The following TMTC4 variants were observed in gnomAD, a reference collection of about 807,000 sequenced individuals.
TMTC4 encodes the protein protein O-mannosyl-transferase TMTC4.
A neutral mutation model predicts 86.0 loss-of-function variants in TMTC4; 65 were observed. The ratio of observed to expected loss-of-function variants is 0.76; its 90% confidence interval spans 0.62 to 0.93. The LOEUF is 0.93. Ranked by LOEUF, TMTC4 falls within the 40% of genes least tolerant of loss-of-function variation. The pLI, the probability that TMTC4 is intolerant of heterozygous loss-of-function variation, is 0.00. For missense variants in TMTC4, 866 were observed against 948.1 expected, an observed-to-expected ratio of 0.91 and a Z score of 1.14; for synonymous variants, 379 against 382.5, an observed-to-expected ratio of 0.99 and a Z score of 0.11.
chr13:100,621,877 T>G (rs1281209872), intron 15 of TMTC4, among the ~76,000 whole-genome samples: 2 of 152,184 alleles, frequency 1.3e-5, no homozygotes, highest in African/African-American at 4.8e-5. Context: ...GCTCCCATCC[T>G]CCACCCCACC....
At chr13:100,664,412 T>C (rs1233580127) in intron 3 of TMTC4, 76 bp from the exon 4 acceptor site, 1 of 1,051,812 alleles carries the variant, frequency 9.5e-7, no homozygotes, top group African/African-American at 1.6e-5. Context: ...ATCTCTCACC[T>C]GGGATGCAGT....
intron 5 of TMTC4, among the ~76,000 whole-genome samples, 157 bp downstream of exon 5, chr13:100,662,807 T>C (rs1485746428): frequency 6.6e-6 from 1 of 152,198 alleles, no homozygotes; most frequent in Admixed American, 6.5e-5. Flanking sequence ...TTATGTAGTG[T>C]CCTTTCTATT....
chr13:100,610,512 A>G (rs1475578911), intron 17 of TMTC4, among the ~76,000 whole-genome samples: 3 of 152,106 alleles, frequency 2.0e-5, no homozygotes, highest in Non-Finnish European at 4.4e-5. Flanking sequence ...TGAAGATCTC[A>G]TCGTGAGTTC....
chr13:100,642,381 A>G (rs1383648462), intron 6 of TMTC4, 70 bp from the exon 7 acceptor site: 1 of 1,551,810 alleles, frequency 6.4e-7, no homozygotes. Context: ...ATCAGGAACT[A>G]AAATTCTAAG....
rs1453139395 is a variant in TMTC4 at position 100,637,617 on chromosome 13, C to A, written c.920G>T (p.Trp307Leu). The A allele has an allele frequency of 6.2e-7, 1 of 1,614,082 alleles. No individual in the cohort carries two copies. Among genetic ancestry groups the A allele is most frequent in the Non-Finnish European group, 8.5e-7 (1 of 1,180,054 alleles). ...SGGAGMLYVR[W>L]RIMGTGPPAF... Reference sequence around the variant, plus strand: ...CGGCGGGCCCGTGCCCATGATCCTCCAGCGCACGTAGAGCATCCCAGCCCC... The same window carrying A: ...CGGCGGGCCCGTGCCCATGATCCTCAAGCGCACGTAGAGCATCCCAGCCCC... The change falls in exon 9 of 19, where the codon TGG (tryptophan) becomes TTG (leucine). Residue 307 changes from tryptophan (W) to leucine (L), a missense_variant. Coordinates refer to ENST00000342624, the MANE Select transcript of TMTC4 (RefSeq NM_032813.5).
At chr13:100,615,343 T>C (rs192356551) in intron 15 of TMTC4, among the ~76,000 whole-genome samples, 2 of 152,226 alleles carry the variant, frequency 1.3e-5, no homozygotes, top group African/African-American at 2.4e-5. Flanking sequence ...TTCACCATAT[T>C]GGCCAGACTG....
intron 15 of TMTC4, chr13:100,624,036 C>T (rs1880016115): frequency 3.8e-6 from 1 of 263,414 alleles, no homozygotes; most frequent in Non-Finnish European, 7.6e-6. Flanking sequence ...AATAGAAACA[C>T]CACCTCCAGG....
In TMTC4 at chr13:100,606,357, C is replaced by A. The variant is rs1303774901; in HGVS notation, c.2134+1G>T. On this transcript the variant is annotated splice_donor_variant, in intron 18 of 18. Transcript: ENST00000342624. LOFTEE classifies it high-confidence loss of function. ...CGATTCAAGTTGAACATTTTTCTTA[C>A]CCAAATTACCATGGTAACTTGCAGC... is the stretch of plus-strand genomic sequence containing the variant. 1 of 1,612,938 alleles carries A rather than the reference C, an allele frequency of 6.2e-7. No homozygotes were observed. The highest frequency in any genetic ancestry group is 1.1e-5 in the South Asian group (1 of 90,820).
intron 15 of TMTC4, among the ~76,000 whole-genome samples, chr13:100,616,535 G>GTA: frequency 6.6e-6 from 1 of 152,232 alleles, no homozygotes; most frequent in Middle Eastern, 3.4e-3. Flanking sequence ...TTTCTTTTGG[G>GTA]TATATAACCA....
chr13:100,632,015 C>CCA (rs60522457), intron 12 of TMTC4, among the ~76,000 whole-genome samples: 3,348 of 98,772 alleles, frequency 0.034, 86 homozygotes, highest in East Asian at 0.046. Flanking sequence ...TAAGAGGAAA[C>CCA]CACACACACA....
chr13:100,606,425 T>A lies in TMTC4; in HGVS notation c.2067A>T (p.Glu689Asp). The change falls in exon 18 of 19, where the codon GAA becomes GAT. Residue 689 changes from glutamate to aspartate, a missense_variant and splice_region_variant. Glu to Asp is a conservative substitution (Grantham distance 45). Transcript: ENST00000342624. Reference protein sequence around the residue: ...NVLGKSQKYKESEALFLKAIK... With the variant: ...NVLGKSQKYKDSEALFLKAIK... ...TTGCCTTGAGGAATAAAGCTTCAGATTCCTAAAAAATGAGAAACATAAAAA... is the reference window on the plus strand; with the variant it reads ...TTGCCTTGAGGAATAAAGCTTCAGAATCCTAAAAAATGAGAAACATAAAAA... 1 of 1,611,328 alleles carries A rather than the reference T, an allele frequency of 6.2e-7. No individual in the cohort carries two copies. The highest frequency in any genetic ancestry group is 8.5e-7 in the Non-Finnish European group (1 of 1,178,776).
intron 1 of TMTC4, chr13:100,670,854 AGAGGTGC>A (rs1887003669): frequency 6.5e-6 from 1 of 154,150 alleles, no homozygotes; most frequent in Admixed American, 6.5e-5. Context: ...CAGGAGACTG[AGAGGTGC>A]GAGTATTGCT....
intron 12 of TMTC4, 140 bp downstream of exon 12, chr13:100,634,665 A>G (rs1213432211): frequency 9.0e-7 from 1 of 1,105,198 alleles, no homozygotes; most frequent in East Asian, 2.6e-5. Context: ...AAAAAAAACC[A>G]TACATAACAA....
In TMTC4 at chr13:100,637,625, G is replaced by A. The variant is rs185107248; in HGVS notation, c.912C>T (p.Tyr304=). ...CCGTGCCCATGATCCTCCAGCGCAC[G>A]TAGAGCATCCCAGCCCCTCCAGAGG... is the stretch of plus-strand genomic sequence containing the variant. ...LLTSGGAGML[Y]VRWRIMGTGP... is the part of the protein sequence containing the mutation. The change falls in exon 9 of 19, where the codon TAC becomes TAT. Residue 304 remains tyrosine (Y), a synonymous_variant. Coordinates refer to ENST00000342624, the MANE Select transcript of TMTC4 (RefSeq NM_032813.5). 2.9e-5 allele frequency: 47 copies of A among 1,614,194 alleles called. No homozygotes were observed. In the East Asian group the frequency reaches 7.4e-4, roughly 25 times the overall value.
chr13:100,614,466 A>C (rs1375650342), intron 15 of TMTC4, 36 bp from the exon 16 acceptor site: 2 of 1,429,760 alleles, frequency 1.4e-6, no homozygotes, highest in Non-Finnish European at 2.0e-6. Flanking sequence ...CAGTATTCCA[A>C]GTTTCCTGCT....
At chr13:100,627,455 G>A (rs957557291) in intron 12 of TMTC4, among the ~76,000 whole-genome samples, 3 of 152,126 alleles carry the variant, frequency 2.0e-5, no homozygotes, top group Non-Finnish European at 4.4e-5. Flanking sequence ...GGAAGAGACT[G>A]CTCCCTGCCT....
intron 12 of TMTC4, among the ~76,000 whole-genome samples, chr13:100,632,747 T>C (rs936137855): frequency 1.7e-4 from 26 of 152,222 alleles, no homozygotes; most frequent in African/African-American, 5.8e-4. Context: ...GTTTTGTTTA[T>C]ATAATTTTGT....
At chr13:100,643,195 A>C (rs999674539) in intron 6 of TMTC4, among the ~76,000 whole-genome samples, 1 of 152,238 alleles carries the variant, frequency 6.6e-6, no homozygotes, top group South Asian at 2.1e-4. Flanking sequence ...ATCTAAATGA[A>C]TAAGCCAACA....
intron 15 of TMTC4, among the ~76,000 whole-genome samples, chr13:100,624,602 C>T (rs1880163920): frequency 1.3e-5 from 2 of 151,896 alleles, no homozygotes; most frequent in Admixed American, 1.3e-4. Flanking sequence ...AAACAAAAAA[C>T]AAAACCAAGA....
Sources: gnomAD v4.1 joint callset for allele counts (sites outside exome capture counted in the v4.1 genomes callset) on GRCh38, gnomAD v4.1.1 for gene constraint, MANE v1.5 for transcripts, NCBI Gene and HGNC (gene_info 2026-07-23, HGNC 2026-07-21) for gene names.